SEMA5B: variants seen among roughly 807,000 people sequenced by gnomAD.
The protein encoded by SEMA5B is semaphorin-5B.
Under a neutral mutation model 135.0 loss-of-function variants are expected in SEMA5B, and 66 were observed. The ratio of observed to expected loss-of-function variants is 0.49; its 90% CI spans 0.40 to 0.60. The LOEUF is 0.60. Ranked by LOEUF, SEMA5B falls within the 20% of genes least tolerant of loss-of-function variation. The pLI is 0.00. For missense variants in SEMA5B, 1,501 were observed against 1,566.3 expected (o/e 0.96, Z 0.70); for synonymous variants, 690 against 639.5 (o/e 1.08, Z -1.19).
intron 1 of SEMA5B, among the ~76,000 whole-genome samples, chr3:122,974,707 T>C (rs1352890272): frequency 2.6e-5 from 4 of 152,146 alleles, no homozygotes; most frequent in South Asian, 4.1e-4. Flanking sequence ...GAGCTCTTTC[T>C]GATCTGGTAT....
intron 1 of SEMA5B, among the ~76,000 whole-genome samples, chr3:122,997,829 A>T (rs1418468282): frequency 6.6e-6 from 1 of 151,772 alleles, no homozygotes; most frequent in African/African-American, 2.4e-5. Context: ...AGGCCAGGAG[A>T]CCCTGCCCCT....
rs146799316 is a variant in SEMA5B at position 122,925,049 on chromosome 3, G to A, written c.1137-1297C>T. On this transcript the variant is annotated intron_variant, in intron 9 of 22. Transcript: ENST00000357599. ...ACTATTTAGAATCCACACTGATGGC[G>A]TCAGTTTCGATGCCTCTCCACCTAC... Among the ~76,000 whole-genome samples, 593 of 152,280 alleles carry A rather than the reference G, an allele frequency of 3.9e-3. 4 individuals carry two copies. The highest frequency in any genetic ancestry group is 0.014 in the African/African-American group (571 of 41,536).
rs73859432 is a variant in SEMA5B at position 123,018,248 on chromosome 3, C to A, written c.-39+9216G>T. ...TTTACTGTTTACCCATCTGTTTACC[C>A]ATCGGGTTGGGAAGATGCTCATTCT... On this transcript the variant is annotated intron_variant, in intron 1 of 22. Coordinates refer to ENST00000357599, the MANE Select transcript of SEMA5B (RefSeq NM_001031702.4). Among the ~76,000 whole-genome samples the A allele has an allele frequency of 7.8e-3, 1,183 of 152,360 alleles. 19 individuals carry two copies. The highest frequency in any genetic ancestry group is 0.025 in the African/African-American group (1,052 of 41,578).
At position 122,909,782 on chromosome 3, in the gene SEMA5B, T is replaced by C. The variant is rs1265711750; in HGVS notation, c.*361A>G. 1 of 184,126 alleles carries C rather than the reference T, an allele frequency of 5.4e-6. No homozygotes were observed. The highest frequency in any genetic ancestry group is 2.3e-5 in the African/African-American group (1 of 42,772). The allele number at this position is 184,126 out of a possible 1,614,324, so 11.4% of individuals were successfully genotyped here. A position where few individuals can be genotyped will look rare whatever the true frequency, so the allele number is the denominator to read the frequency against. On this transcript the variant is annotated 3_prime_UTR_variant, in exon 23 of 23. Coordinates refer to ENST00000357599, the MANE Select transcript of SEMA5B (RefSeq NM_001031702.4). ...AGCTTGTGGGGGCCACAGGAAGTTG[T>C]CTCCAACCCAAACTTAAAAGCCTGC... is the stretch of plus-strand genomic sequence containing the variant.
At chr3:122,987,678 C>T (rs186984962) in intron 1 of SEMA5B, among the ~76,000 whole-genome samples, 25 of 152,246 alleles carry the variant, frequency 1.6e-4, no homozygotes, top group African/African-American at 5.8e-4. Context: ...TATGGACGGA[C>T]GCCCTGTATT....
intron 1 of SEMA5B, chr3:122,992,744 T>A (rs1030527092): frequency 6.6e-6 from 1 of 152,152 alleles, no homozygotes; most frequent in Non-Finnish European, 1.5e-5. Context: ...CTTAGGTACA[T>A]CCCAGCAAAC....
intron 1 of SEMA5B, among the ~76,000 whole-genome samples, chr3:122,996,087 C>CAGGAA (rs1942015334): frequency 6.6e-6 from 1 of 152,208 alleles, no homozygotes; most frequent in African/African-American, 2.4e-5. Context: ...CTTTTCATCC[C>CAGGAA]CATGGAACAC....
chr3:123,026,013 G>T (rs1193694932), intron 1 of SEMA5B, among the ~76,000 whole-genome samples: 1 of 152,174 alleles, frequency 6.6e-6, no homozygotes, highest in East Asian at 1.9e-4. Flanking sequence ...TGATTGTCAA[G>T]AAGAGAACAG....
In SEMA5B at chr3:122,913,566, C is replaced by T. The variant is rs769752661; in HGVS notation, c.2248G>A (p.Glu750Lys). The change falls in exon 16 of 23, where the codon GAG becomes AAG. Residue 750 changes from glutamate (E) to lysine (K), a missense_variant. Around this residue, in one of 2 missense-constraint regions of SEMA5B, gnomAD observed 927 missense variants for 881.6 expected, o/e 1.05. Transcript: ENST00000357599. ...CAGCCCAGGCAGGAGTTGCCGTTCTCGCAGGCCCGACGCCGCGACTGCATG... is the reference window on the plus strand; with the variant it reads ...CAGCCCAGGCAGGAGTTGCCGTTCTTGCAGGCCCGACGCCGCGACTGCATG... ...GGMQSRRRAC[E>K]NGNSCLGCGV... The T allele has an allele frequency of 6.2e-7, 1 of 1,612,824 alleles. No individual in the cohort carries two copies. The highest frequency in any genetic ancestry group is 2.2e-5 in the East Asian group (1 of 44,850).
chr3:122,921,821 AG>A, intron 12 of SEMA5B, 93 bp downstream of exon 12: 1 of 1,058,780 alleles, frequency 9.4e-7, no homozygotes, highest in Non-Finnish European at 1.3e-6. Context: ...TGGAGACTGC[AG>A]GGACCGACCC....
chr3:122,983,659 A>G (rs190803605), intron 1 of SEMA5B, among the ~76,000 whole-genome samples: 1,783 of 130,976 alleles, frequency 0.014, 40 homozygotes, highest in African/African-American at 0.047. Flanking sequence ...CGGAGCTTGC[A>G]GTGAACCAAG....
At chr3:122,953,313 T>C (rs1940140167) in intron 2 of SEMA5B, among the ~76,000 whole-genome samples, 1 of 152,092 alleles carries the variant, frequency 6.6e-6, no homozygotes, top group South Asian at 2.1e-4. Flanking sequence ...GGCCTAGCCC[T>C]GTATGTGGCC....
intron 4 of SEMA5B, among the ~76,000 whole-genome samples, chr3:122,940,346 G>A (rs1451783836): frequency 6.6e-6 from 1 of 152,198 alleles, no homozygotes; most frequent in African/African-American, 2.4e-5. Context: ...GAGTCTCAGT[G>A]CCTGCATCTG....
At chr3:123,001,161 C>A (rs1942165640) in intron 1 of SEMA5B, among the ~76,000 whole-genome samples, 1 of 152,166 alleles carries the variant, frequency 6.6e-6, no homozygotes, top group African/African-American at 2.4e-5. Context: ...AGACCATAAA[C>A]TCAGACAGCC....
intron 1 of SEMA5B, among the ~76,000 whole-genome samples, chr3:122,969,908 C>T (rs1407887058): frequency 2.0e-5 from 3 of 152,158 alleles, no homozygotes; most frequent in Admixed American, 1.3e-4. Context: ...GAATTCACAA[C>T]ACTTCAAGCC....
At chr3:122,983,716 CAAAAAAAAAAAAAAAAAAAAAAAAAA>C (rs57975297) in intron 1 of SEMA5B, among the ~76,000 whole-genome samples, 1 of 53,432 alleles carries the variant, frequency 1.9e-5, no homozygotes, top group Middle Eastern at 0.011. Flanking sequence ...AGACTCGTCT[CAAAAAAAAAAAAAAAAAAAAAAAAAA>C]AAAAAAAAAA....
intron 21 of SEMA5B, 185 bp downstream of exon 21, chr3:122,911,306 T>C (rs1028066558): frequency 5.4e-5 from 80 of 1,490,890 alleles, no homozygotes; most frequent in Non-Finnish European, 6.7e-5. Flanking sequence ...AGACTGATGA[T>C]GGCCTCCTAG....
At chr3:123,026,583 T>C (rs1045046568) in intron 1 of SEMA5B, among the ~76,000 whole-genome samples, 3 of 152,160 alleles carry the variant, frequency 2.0e-5, no homozygotes, top group Admixed American at 2.0e-4. Context: ...CCTCCGCCGG[T>C]CCGGCGACCA....
intron 1 of SEMA5B, among the ~76,000 whole-genome samples, chr3:122,978,346 C>T (rs550122691): frequency 1.4e-4 from 21 of 152,308 alleles, no homozygotes; most frequent in East Asian, 9.6e-4. Flanking sequence ...GCTGGGGAAG[C>T]GAGCAGCTCA....
Sources: allele counts gnomAD v4.1 joint callset (sites outside exome capture counted in the v4.1 genomes callset), GRCh38; gene constraint gnomAD v4.1.1; regional missense constraint gnomAD v4.1.1; transcripts MANE v1.5; gene names NCBI Gene and HGNC (gene_info 2026-07-23, HGNC 2026-07-21).